The following CHODL variants were observed in gnomAD, a reference collection of about 807,000 sequenced individuals.
The protein encoded by CHODL is transmembrane protein MT75.
A neutral mutation model predicts 34.5 loss-of-function variants in CHODL; 29 were observed. The observed-to-expected ratio is 0.84, with a 90% CI of 0.63 to 1.15. The LOEUF (loss-of-function observed/expected upper bound fraction) is 1.15. Ranked by LOEUF, CHODL falls within the 50% of genes most tolerant of loss-of-function variation. CHODL has a pLI of 0.00. For missense variants in CHODL, 332 were observed against 332.5 expected (o/e 1.00, Z 0.01); for synonymous variants, 125 against 116.1 (o/e 1.08, Z -0.49).
chr21:18,148,882 G>C (rs1190654090), intron 2 of CHODL, among the ~76,000 whole-genome samples: 1 of 75,716 alleles, frequency 1.3e-5, no homozygotes, highest in African/African-American at 3.8e-5. Flanking sequence ...AATATTGGCT[G>C]TCAAAAAAAA....
chr21:18,136,121 A>AAAAG (rs1555875216), intron 2 of CHODL, among the ~76,000 whole-genome samples: 1,437 of 138,138 alleles, frequency 0.01, 82 homozygotes, highest in African/African-American at 0.035. Flanking sequence ...AAAAAAAAGA[A>AAAAG]AAAGAAAAAA....
intron 1 of CHODL, among the ~76,000 whole-genome samples, chr21:17,954,706 C>T (rs1471761728): frequency 5.2e-5 from 7 of 134,072 alleles, no homozygotes; most frequent in African/African-American, 1.8e-4. Context: ...GCTGGAAGTA[C>T]ACCACCAGCT....
intron 2 of CHODL, among the ~76,000 whole-genome samples, chr21:18,041,489 C>A (rs1331363246): frequency 1.3e-5 from 2 of 151,682 alleles, no homozygotes; most frequent in Non-Finnish European, 2.9e-5. Flanking sequence ...TGTTAAACAT[C>A]ATTTTATTAC....
rs541932321 is a variant in CHODL at position 18,071,771 on chromosome 21, A to G, written c.-45+43800A>G. ...TACATTTCTATTTCATTCTATTTCC[A>G]TAAATCATACATGCCTATATTTTAT... On this transcript the variant is annotated intron_variant, in intron 2 of 6. Transcript: ENST00000400127. 4.1e-4 allele frequency among the ~76,000 whole-genome samples: 62 copies of G among 152,190 alleles called. 2 individuals are homozygous for G. In the South Asian group the frequency reaches 0.012, roughly 31 times the overall value.
chr21:18,221,151 C>G (rs2073879892), intron 2 of CHODL, among the ~76,000 whole-genome samples: 1 of 151,940 alleles, frequency 6.6e-6, no homozygotes, highest in Non-Finnish European at 1.5e-5. Context: ...GAAATTCTTT[C>G]TTCTGCTTAA....
At chr21:18,081,687 GAA>G (rs34292856) in intron 2 of CHODL, among the ~76,000 whole-genome samples, 9 of 83,674 alleles carry the variant, frequency 1.1e-4, no homozygotes, top group African/African-American at 1.8e-4. Context: ...ATCTCAAAAA[GAA>G]AAAAAAAAAA....
At chr21:18,166,266 C>T (rs1039725833) in intron 2 of CHODL, among the ~76,000 whole-genome samples, 26 of 152,188 alleles carry the variant, frequency 1.7e-4, no homozygotes, top group African/African-American at 3.4e-4. Flanking sequence ...GACCCTCTTA[C>T]GCTTCAAATG....
In CHODL at chr21:18,148,047, G is replaced by C. The variant is rs577644489; in HGVS notation, c.-44-108462G>C. Among the ~76,000 whole-genome samples the C allele has an allele frequency of 2.0e-5, 3 of 152,240 alleles. No individual in the cohort carries two copies. The South Asian group carries it at 6.2e-4, about 32-fold the overall frequency. ...GGGAGAAGTCCACATAAGGAAAGCAGGTCTTTAGGCAGCTACATCAAGAGG... is the reference window on the plus strand; with the variant it reads ...GGGAGAAGTCCACATAAGGAAAGCACGTCTTTAGGCAGCTACATCAAGAGG... On this transcript the variant is annotated intron_variant, in intron 2 of 6. Coordinates refer to the CHODL transcript ENST00000400127.
At chr21:18,257,237 T>C in intron 3 of CHODL, 110 bp downstream of exon 3, 3 of 996,890 alleles carry the variant, frequency 3.0e-6, no homozygotes, top group Non-Finnish European at 4.3e-6. Flanking sequence ...TGCTGTGAAA[T>C]AGAAAATTAC....
At chr21:18,087,719 T>C (rs543432238) in intron 2 of CHODL, among the ~76,000 whole-genome samples, 119 of 152,268 alleles carry the variant, frequency 7.8e-4, no homozygotes, top group Non-Finnish European at 2.1e-4. Context: ...TTTTGTGGAA[T>C]GTGGCCTGCT....
intron 1 of CHODL, among the ~76,000 whole-genome samples, chr21:18,252,203 C>A (rs960278054): frequency 1.6e-4 from 24 of 151,904 alleles, no homozygotes; most frequent in Admixed American, 6.6e-5. Context: ...ATTTATAGTT[C>A]GACGGCATAA....
At chr21:18,106,496 TTTTTC>T (rs1442820300) in intron 2 of CHODL, among the ~76,000 whole-genome samples, 91 of 118,900 alleles carry the variant, frequency 7.7e-4, no homozygotes, top group African/African-American at 2.2e-3. Flanking sequence ...TTTCTTTTTC[TTTTTC>T]TTTTTTTTTT....
At chr21:17,963,778 A>G (rs931380594) in intron 1 of CHODL, among the ~76,000 whole-genome samples, 3 of 151,350 alleles carry the variant, frequency 2.0e-5, no homozygotes, top group Admixed American at 6.6e-5. Context: ...GCTTCTCTCT[A>G]TTATCTAGCT....
intron 2 of CHODL, among the ~76,000 whole-genome samples, chr21:18,051,773 G>A (rs1163484038): frequency 6.6e-6 from 1 of 151,938 alleles, no homozygotes; most frequent in Non-Finnish European, 1.5e-5. Context: ...GATCTAGGCA[G>A]AATGGTAGGA....
At chr21:18,219,071 A>G (rs984118658) in intron 2 of CHODL, among the ~76,000 whole-genome samples, 2 of 152,040 alleles carry the variant, frequency 1.3e-5, no homozygotes, top group Non-Finnish European at 2.9e-5. Context: ...AGTCGCTTCC[A>G]CATTTTTGGG....
intron 1 of CHODL, among the ~76,000 whole-genome samples, chr21:17,990,625 T>C (rs746743417): frequency 2.0e-5 from 3 of 152,104 alleles, no homozygotes; most frequent in Non-Finnish European, 4.4e-5. Context: ...AAACTAACAA[T>C]GTTAAATGTT....
Position 18,226,388 on chromosome 21 carries a change from C to G in CHODL, c.-44-30121C>G, listed in dbSNP as rs371257724. On this transcript the variant is annotated intron_variant, in intron 2 of 6. Transcript: ENST00000400127. The stretch of plus-strand genomic sequence containing the variant: ...TGATCTCAGCTCACTGCAACCTTCA[C>G]CTCCCAGGTTCAAGGGATTCTCCTG... 1.6e-4 allele frequency among the ~76,000 whole-genome samples: 25 copies of G among 152,262 alleles called. No individual in the cohort carries two copies. The East Asian group carries it at 3.9e-3, about 23-fold the overall frequency.
At chr21:17,948,943 G>A (rs1023584339) in intron 1 of CHODL, among the ~76,000 whole-genome samples, 6 of 152,144 alleles carry the variant, frequency 3.9e-5, no homozygotes, top group African/African-American at 9.7e-5. Flanking sequence ...CCCAGACAAG[G>A]ATGCAACAAA....
rs1304826934 is a variant in CHODL at position 18,155,590 on chromosome 21, CAG to C, written c.-44-100916_-44-100915del. On this transcript the variant is annotated intron_variant, in intron 2 of 6. Coordinates refer to the CHODL transcript ENST00000400127. ...GAATGTGAATTCAAATATGACAAAACAGAGGGCAGAATTTCGAGGTTGTTAGA... is the reference window on the plus strand; with the variant it reads ...GAATGTGAATTCAAATATGACAAAACAGGGCAGAATTTCGAGGTTGTTAGA... 2.6e-5 allele frequency among the ~76,000 whole-genome samples: 4 copies of C among 152,176 alleles called. No individual in the cohort carries two copies. The East Asian group carries it at 7.7e-4, about 29-fold the overall frequency.
Sources: gnomAD v4.1 joint callset for allele counts (sites outside exome capture counted in the v4.1 genomes callset) on GRCh38, gnomAD v4.1.1 for gene constraint, MANE v1.5 for transcripts, NCBI Gene and HGNC (gene_info 2026-07-23, HGNC 2026-07-21) for gene names.